Variants in PDZRN3 observed in about 807,000 individuals in gnomAD.
The protein encoded by PDZRN3 is E3 ubiquitin-protein ligase PDZRN3.
Under a neutral mutation model 85.7 loss-of-function variants are expected in PDZRN3, and 38 were observed. The observed-to-expected ratio is 0.44, with a 90% CI of 0.34 to 0.58. The LOEUF (loss-of-function observed/expected upper bound fraction) is 0.58. Among genes scored for constraint, PDZRN3 ranks in the 20% least tolerant of loss-of-function variants. PDZRN3 has a pLI of 0.01. For synonymous variants in PDZRN3, 759 were observed against 638.0 expected, an observed-to-expected ratio of 1.19 and a Z score of -2.86; for missense variants, 1,629 against 1,506.4, an observed-to-expected ratio of 1.08 and a Z score of -1.35.
chr3:73,394,267 G>A (rs548909593), intron 5 of PDZRN3, among the ~76,000 whole-genome samples: 2 of 152,246 alleles, frequency 1.3e-5, no homozygotes, highest in African/African-American at 4.8e-5. Context: ...ATTTTTGCAC[G>A]GGAGAGAAGA....
At chr3:73,426,779 A>G (rs1702324397) in intron 3 of PDZRN3, among the ~76,000 whole-genome samples, 3 of 152,280 alleles carry the variant, frequency 2.0e-5, no homozygotes, top group South Asian at 4.2e-4. Flanking sequence ...TTTCTGATTC[A>G]GTAGCTCTGG....
chr3:73,408,053 CTG>C (rs1701889474), intron 3 of PDZRN3: 1 of 664,194 alleles, frequency 1.5e-6, no homozygotes. Flanking sequence ...TTTCTGACAA[CTG>C]TGCCCAAGAA....
At chr3:73,435,153 G>A (rs910531521) in intron 3 of PDZRN3, among the ~76,000 whole-genome samples, 16 of 152,176 alleles carry the variant, frequency 1.1e-4, no homozygotes, top group South Asian at 4.1e-4. Flanking sequence ...CACCTGAGAC[G>A]TGAATAAACC....
At chr3:73,430,973 A>AG (rs1325225894) in intron 3 of PDZRN3, among the ~76,000 whole-genome samples, 1 of 152,190 alleles carries the variant, frequency 6.6e-6, no homozygotes, top group African/African-American at 2.4e-5. Flanking sequence ...TGGTAGGCAG[A>AG]GGCCCTGTCT....
intron 3 of PDZRN3, among the ~76,000 whole-genome samples, chr3:73,535,354 T>A (rs1002422364): frequency 4.6e-5 from 7 of 152,148 alleles, no homozygotes; most frequent in Admixed American, 2.0e-4. Flanking sequence ...CTCCAATATA[T>A]CATCAAGATA....
intron 1 of PDZRN3, among the ~76,000 whole-genome samples, chr3:73,622,216 A>G (rs868700649): frequency 6.6e-6 from 1 of 152,082 alleles, no homozygotes; most frequent in Non-Finnish European, 1.5e-5. Context: ...AGCTGTAAAT[A>G]TTTGCCCTTC....
chr3:73,387,968 C>G lies in PDZRN3; in HGVS notation c.1518G>C (p.Gln506His). Residue 506 changes from glutamine to histidine, a missense_variant and splice_region_variant, in exon 8 of 10, where the codon CAG (glutamine) becomes CAC (histidine). Physicochemically the swap from Gln to His is conservative, Grantham distance 24 (BLOSUM62 0). Transcript: ENST00000263666. The part of the protein sequence containing the change: ...FSLLIARPEL[Q>H]LDEGWMDDDR... ...TTTCATCTGTAGGAAGCCAATTTAC[C>G]TGGAGTTCAGGCCTTGCAATCAGCA... The G allele has an allele frequency of 6.8e-7, 1 of 1,478,768 alleles. No individual in the cohort carries two copies. The highest frequency in any genetic ancestry group is 9.3e-7 in the Non-Finnish European group (1 of 1,069,740). The allele number at this position is 1,478,768 out of a possible 1,614,324, so 91.6% of individuals were successfully genotyped here.
At chr3:73,453,017 T>G (rs1164241912) in intron 3 of PDZRN3, among the ~76,000 whole-genome samples, 1 of 152,148 alleles carries the variant, frequency 6.6e-6, no homozygotes. Context: ...AAACTGACAC[T>G]CTGCCATTGA....
intron 3 of PDZRN3, among the ~76,000 whole-genome samples, chr3:73,533,057 AG>A (rs1197763965): frequency 1.4e-4 from 22 of 152,386 alleles, no homozygotes; most frequent in East Asian, 1.9e-4. Context: ...TTACGTCCAT[AG>A]GTTTCATATT....
At chr3:73,428,894 G>GTT (rs63105360) in intron 3 of PDZRN3, among the ~76,000 whole-genome samples, 1 of 148,890 alleles carries the variant, frequency 6.7e-6, no homozygotes, top group Non-Finnish European at 1.5e-5. Context: ...AGATGGGCTT[G>GTT]TTTTTTTTTT....
intron 3 of PDZRN3, among the ~76,000 whole-genome samples, chr3:73,555,715 G>C (rs1282903814): frequency 1.3e-5 from 2 of 152,190 alleles, no homozygotes; most frequent in African/African-American, 2.4e-5. Flanking sequence ...TCTAGGAAAA[G>C]ATCGAAGTTC....
chr3:73,439,125 G>A (rs892982412), intron 3 of PDZRN3, among the ~76,000 whole-genome samples: 1 of 152,170 alleles, frequency 6.6e-6, no homozygotes, highest in Non-Finnish European at 1.5e-5. Flanking sequence ...CTTCCCTGGA[G>A]AGCACTCTTC....
At position 73,450,930 on chromosome 3, in the gene PDZRN3, TA is replaced by T. The variant is rs373677054; in HGVS notation, c.919-46536del. Among the ~76,000 whole-genome samples the T allele has an allele frequency of 4.1e-3, 588 of 143,670 alleles. 3 individuals carry two copies. The highest frequency in any genetic ancestry group is 9.0e-3 in the African/African-American group (353 of 39,384). 94.3% of individuals were successfully genotyped at this position (143,670 alleles called of 152,430 possible). ...GATTTGGAATATTTCTCATGCTCTTTAAAAAAAAAAAAGCTGGCACATCTCA... is the reference window on the plus strand; with the variant it reads ...GATTTGGAATATTTCTCATGCTCTTTAAAAAAAAAAAGCTGGCACATCTCA... On this transcript the variant is annotated intron_variant, in intron 3 of 9. Coordinates refer to ENST00000263666, the MANE Select transcript of PDZRN3 (RefSeq NM_015009.3).
At chr3:73,393,362 C>T (rs776716260) in intron 5 of PDZRN3, among the ~76,000 whole-genome samples, 9 of 152,204 alleles carry the variant, frequency 5.9e-5, no homozygotes, top group Non-Finnish European at 1.0e-4. Context: ...ACTACTACTA[C>T]TGCTACTCAA....
chr3:73,408,589 G>GC (rs1491229926), intron 3 of PDZRN3, among the ~76,000 whole-genome samples: 2 of 131,480 alleles, frequency 1.5e-5, no homozygotes, highest in Non-Finnish European at 1.6e-5. Context: ...TCTTGGAGGA[G>GC]GGGGGGGGGT....
At chr3:73,570,917 CT>C (rs1473846360) in intron 3 of PDZRN3, among the ~76,000 whole-genome samples, 3 of 152,124 alleles carry the variant, frequency 2.0e-5, no homozygotes, top group African/African-American at 7.2e-5. Flanking sequence ...AATACATCTG[CT>C]TTTGCTTGCT....
intron 3 of PDZRN3, among the ~76,000 whole-genome samples, chr3:73,586,390 C>T (rs1409362687): frequency 6.6e-6 from 1 of 152,224 alleles, no homozygotes; most frequent in Non-Finnish European, 1.5e-5. Flanking sequence ...GTTAGACTGC[C>T]TGCAGTTTTA....
rs569653594 is a variant in PDZRN3 at position 73,468,455 on chromosome 3, TC to T, written c.919-64061del. ...TACAGTCGCTTACTCTTTTTTTTTTTCTTTGAGTCAATTAAAGCACATTTGG... is the reference window on the plus strand; with the variant it reads ...TACAGTCGCTTACTCTTTTTTTTTTTTTTGAGTCAATTAAAGCACATTTGG... On this transcript the variant is annotated intron_variant, in intron 3 of 9. Coordinates refer to ENST00000263666, the MANE Select transcript of PDZRN3 (RefSeq NM_015009.3). Among the ~76,000 whole-genome samples the T allele has an allele frequency of 5.8e-3, 884 of 152,136 alleles. 12 individuals are homozygous for T. Among genetic ancestry groups the T allele is most frequent in the African/African-American group, 0.02 (838 of 41,464 alleles).
intron 3 of PDZRN3, among the ~76,000 whole-genome samples, chr3:73,527,954 C>G (rs1211058409): frequency 6.6e-6 from 1 of 152,238 alleles, no homozygotes; most frequent in African/African-American, 2.4e-5. Flanking sequence ...TGTTCATTGG[C>G]TCAACTCATG....
Sources: gnomAD v4.1 joint callset for allele counts (sites outside exome capture counted in the v4.1 genomes callset) on GRCh38, gnomAD v4.1.1 for gene constraint, MANE v1.5 for transcripts, NCBI Gene and HGNC (gene_info 2026-07-23, HGNC 2026-07-21) for gene names.